The following MRI1 variants were observed in gnomAD, a reference collection of about 807,000 sequenced individuals.
MRI1 encodes the protein methylthioribose-1-phosphate isomerase.
Under a neutral mutation model 27.3 loss-of-function variants are expected in MRI1, and 32 were observed. The ratio of observed to expected loss-of-function variants is 1.17; its 90% CI spans 0.88 to 1.57. MRI1 has a LOEUF of 1.57. Ranked by LOEUF, MRI1 falls within the 40% of genes most tolerant of loss-of-function variation. MRI1 has a pLI of 0.00. For missense variants in MRI1, 508 were observed against 516.1 expected, an observed-to-expected ratio of 0.98 and a Z score of 0.15; for synonymous variants, 216 against 227.4, an observed-to-expected ratio of 0.95 and a Z score of 0.45.
chr19:13,765,253 A>C (rs1381517883), intron 2 of MRI1, 144 bp downstream of exon 2: 13 of 625,398 alleles, frequency 2.1e-5, no homozygotes, highest in Admixed American at 8.1e-5. Flanking sequence ...GGGGAGACTG[A>C]GGCACGGCGA....
Position 13,768,673 on chromosome 19 carries a change from GATCCCCGCCACCCTT to G in MRI1, c.664_678del (p.Pro222_Ile226del), listed in dbSNP as rs1346948528. ...CGGCCTTTGAGCTGGTCTATGAGCAGATCCCCGCCACCCTTATCACCGACAGCATGGTGGCTGCTG... is the reference window on the plus strand; with the variant it reads ...CGGCCTTTGAGCTGGTCTATGAGCAGATCACCGACAGCATGGTGGCTGCTG... On this transcript the variant is annotated inframe_deletion, in exon 4 of 6. Transcript: ENST00000040663. 2 of 1,613,974 alleles carry G rather than the reference GATCCCCGCCACCCTT, an allele frequency of 1.2e-6. No individual in the cohort carries two copies. Among genetic ancestry groups the G allele is most frequent in the Non-Finnish European group, 8.5e-7 (1 of 1,180,008 alleles).
rs1138208 is a variant in MRI1 at position 13,773,525 on chromosome 19, A to C, written c.*1244A>C. The C allele has an allele frequency of 2.0e-5, 3 of 153,256 alleles. No homozygotes were observed. Among genetic ancestry groups the C allele is most frequent in the Non-Finnish European group, 4.4e-5 (3 of 68,054 alleles). The allele number at this position is 153,256 out of a possible 1,614,324, so 9.5% of individuals were successfully genotyped here. ...CTCACACCTCTAGCCCCAGCTACTC[A>C]GGCTGAAGTGGGAGGATGGCTTGAG... On this transcript the variant is annotated 3_prime_UTR_variant, in exon 6 of 6. Coordinates refer to ENST00000040663, the MANE Select transcript of MRI1 (RefSeq NM_001031727.4).
intron 3 of MRI1, among the ~76,000 whole-genome samples, chr19:13,767,025 ATATATATATATATTTTTTTTTTTTTTT>A (rs1305082510): frequency 0.022 from 295 of 13,716 alleles, 7 homozygotes; most frequent in Non-Finnish European, 0.033. Context: ...ATATATATAT[ATATATATATATATTTTTTTTTTTTTTT>A]TTTTTTTTTT....
Position 13,764,598 on chromosome 19 carries a change from G to C in MRI1, c.10G>C (p.Glu4Gln), listed in dbSNP as rs746270000. MTL[E>Q]AIRYSRGSLQ... ...GCTTGGCTGCTGCACCATGACCCTG[G>C]AGGCGATCCGCTACTCGCGGGGCTC... The change falls in exon 1 of 6, where the codon GAG (glutamate) becomes CAG (glutamine). Residue 4 changes from glutamate (E) to glutamine (Q), a missense_variant. This residue lies in a region of MRI1 where 32 missense variants were observed against 20.2 expected (regional missense o/e 1.58). Coordinates refer to ENST00000040663, the MANE Select transcript of MRI1 (RefSeq NM_001031727.4). 1 of 1,609,178 alleles carries C rather than the reference G, an allele frequency of 6.2e-7. No individual in the cohort carries two copies. The highest frequency in any genetic ancestry group is 1.1e-5 in the South Asian group (1 of 91,034).
Position 13,768,383 on chromosome 19 carries a change from T to C in MRI1, c.548-178T>C, listed in dbSNP as rs773891174. 35 of 1,514,482 alleles carry C rather than the reference T, an allele frequency of 2.3e-5. No homozygotes were observed. In the South Asian group the frequency reaches 2.9e-4, roughly 12 times the overall value. The allele number at this position is 1,514,482 out of a possible 1,614,324, so 93.8% of individuals were successfully genotyped here. On this transcript the variant is annotated intron_variant, in intron 3 of 5. Coordinates refer to ENST00000040663, the MANE Select transcript of MRI1 (RefSeq NM_001031727.4). ...GACGTGAAACGGAGCTATGCGAGCATTGGGAAGAGCATACCAGGCAGAGGG... is the reference window on the plus strand; with the variant it reads ...GACGTGAAACGGAGCTATGCGAGCACTGGGAAGAGCATACCAGGCAGAGGG...
At position 13,768,700 on chromosome 19, in the gene MRI1, C is replaced by T. The variant is rs754420644; in HGVS notation, c.687C>T (p.Ser229=). 3 of 1,613,840 alleles carry T rather than the reference C, an allele frequency of 1.9e-6. No individual in the cohort carries two copies. The highest frequency in any genetic ancestry group is 2.2e-5 in the East Asian group (1 of 44,896). The change falls in exon 4 of 6, where the codon AGC becomes AGT. Residue 229 remains serine (S), a synonymous_variant. Transcript: ENST00000040663. ...TCCCCGCCACCCTTATCACCGACAG[C>T]ATGGTGGCTGCTGCCATGGCCCATA... ...EQIPATLITD[S]MVAAAMAHRG... is the part of the protein sequence containing the mutation.
At position 13,768,831 on chromosome 19, in the gene MRI1, C is replaced by T. The variant is rs369354524; in HGVS notation, c.732C>T (p.Val244=). ...CATACGCCCCCTCCCCAGCTGTGGT[C>T]GTGGGAGCTGACCGCGTGGTTGCCA... ...AMAHRGVSAV[V]VGADRVVANG... is the part of the protein sequence containing the mutation. Residue 244 remains valine (V), a synonymous_variant, in exon 5 of 6, where the codon GTC becomes GTT. Coordinates refer to ENST00000040663, the MANE Select transcript of MRI1 (RefSeq NM_001031727.4). 3.2e-5 allele frequency: 52 copies of T among 1,605,892 alleles called. No individual in the cohort carries two copies. In the African/African-American group the frequency reaches 4.3e-4, roughly 13 times the overall value.
At chr19:13,771,217 G>A (rs966546920) in intron 5 of MRI1, among the ~76,000 whole-genome samples, 18 of 149,400 alleles carry the variant, frequency 1.2e-4, no homozygotes, top group Admixed American at 8.7e-4. Context: ...AAAAAAAAAC[G>A]TTAGCTGGGC....
rs746396727 is a variant in MRI1 at position 13,768,554 on chromosome 19, C to T, written c.548-7C>T. The T allele has an allele frequency of 3.1e-6, 5 of 1,599,518 alleles. No homozygotes were observed. The highest frequency in any genetic ancestry group is 2.7e-5 in the African/African-American group (2 of 74,668). On this transcript the variant is annotated splice_region_variant and splice_polypyrimidine_tract_variant and intron_variant, in intron 3 of 5. Coordinates refer to ENST00000040663, the MANE Select transcript of MRI1 (RefSeq NM_001031727.4). The stretch of plus-strand genomic sequence containing the variant: ...GGGCCTTCTCCTGGTGGGTGGGGCC[C>T]CCGCAGGTGTGATTCGCTCACTGCA...
Position 13,768,632 on chromosome 19 carries a change from C to T in MRI1, c.619C>T (p.Gln207Ter), listed in dbSNP as rs780769717. 1 of 1,613,674 alleles carries T rather than the reference C, an allele frequency of 6.2e-7. No homozygotes were observed. The highest frequency in any genetic ancestry group is 1.3e-5 in the African/African-American group (1 of 75,062). Residue 207 changes from glutamine (Q) to a stop codon, truncating the protein, a stop_gained, in exon 4 of 6, where the codon CAG becomes TAG. Coordinates refer to ENST00000040663, the MANE Select transcript of MRI1 (RefSeq NM_001031727.4). LOFTEE classifies it high-confidence loss of function. ...CTGCACAGAGACCCGGCCCTACAAC[C>T]AGGGAGCCCGGCTGACGGCCTTTGA... ...AFCTETRPYN[Q>*]GARLTAFELV...
Position 13,772,305 on chromosome 19 carries a change from C to A in MRI1, c.*24C>A, listed in dbSNP as rs569521698. On this transcript the variant is annotated 3_prime_UTR_variant, in exon 6 of 6. Coordinates refer to ENST00000040663, the MANE Select transcript of MRI1 (RefSeq NM_001031727.4). ...AACCAACTCAGCTCTCCCTAGCCTG[C>A]CTCTCTAGGTTTTTCAATACATTTC... 1 of 1,599,394 alleles carries A rather than the reference C, an allele frequency of 6.3e-7. No homozygotes were observed. Among genetic ancestry groups the A allele is most frequent in the African/African-American group, 1.3e-5 (1 of 74,396 alleles).
intron 5 of MRI1, among the ~76,000 whole-genome samples, chr19:13,769,459 C>T (rs1379085929): frequency 1.3e-5 from 2 of 152,038 alleles, no homozygotes; most frequent in Non-Finnish European, 2.9e-5. Flanking sequence ...CCACAGCACG[C>T]CTGGCCCAAG....
In MRI1 at chr19:13,772,285, A is replaced by G. The variant is rs1469071; in HGVS notation, c.*4A>G. The G allele has an allele frequency of 0.45, 715,241 of 1,607,220 alleles. 163,253 individuals are homozygous for G. Among genetic ancestry groups the G allele is most frequent in the East Asian group, 0.69 (31,010 of 44,726 alleles). ...CCTAGATGGACCCCAGATGTAACCA[A>G]CTCAGCTCTCCCTAGCCTGCCTCTC... is the stretch of plus-strand genomic sequence containing the variant. On this transcript the variant is annotated 3_prime_UTR_variant, in exon 6 of 6. Coordinates refer to ENST00000040663, the MANE Select transcript of MRI1 (RefSeq NM_001031727.4).
intron 5 of MRI1, among the ~76,000 whole-genome samples, chr19:13,769,503 G>A (rs1171924013): frequency 6.6e-6 from 1 of 152,106 alleles, no homozygotes; most frequent in African/African-American, 2.4e-5. Context: ...CTGGAGGTCA[G>A]ATCCAATGTT....
Position 13,764,530 on chromosome 19 carries a change from C to T in MRI1, c.-59C>T, listed in dbSNP as rs558128979. 109 of 1,585,668 alleles carry T rather than the reference C, an allele frequency of 6.9e-5. No homozygotes were observed. In the African/African-American group the frequency reaches 1.3e-3, roughly 18 times the overall value. ...GCTCCGCCCACGGCCCCGCCCCGCT[C>T]CCAAGTGCGCGCGGACCCCTAGCTC... is the stretch of plus-strand genomic sequence containing the variant. On this transcript the variant is annotated 5_prime_UTR_variant, in exon 1 of 6. Transcript: ENST00000040663.
chr19:13,765,093 G>T lies in MRI1; in HGVS notation c.355G>T (p.Glu119Ter). 1 of 1,541,412 alleles carries T rather than the reference G, an allele frequency of 6.5e-7. No individual in the cohort carries two copies. The highest frequency in any genetic ancestry group is 1.9e-5 in the Admixed American group (1 of 52,408). The part of the protein sequence containing the change: ...REAEREGATE[E>*]AVRERVICCT... Reference sequence around the variant, plus strand: ...GGCCGAACGGGAGGGCGCTACGGAAGAGGCGGTCCGGGAGAGGTACGGGGA... The same window carrying T: ...GGCCGAACGGGAGGGCGCTACGGAATAGGCGGTCCGGGAGAGGTACGGGGA... The change falls in exon 2 of 6, where the codon GAG (glutamate) becomes TAG (stop). Residue 119 changes from glutamate to a stop codon, truncating the protein, a stop_gained. Transcript: ENST00000040663. LOFTEE classifies it high-confidence loss of function.
chr19:13,766,253 C>T (rs1030290161), intron 3 of MRI1, 124 bp downstream of exon 3: 21 of 884,294 alleles, frequency 2.4e-5, no homozygotes, highest in Non-Finnish European at 2.8e-5. Flanking sequence ...AGTTCTAGTA[C>T]GGAAACACTT....
At position 13,764,567 on chromosome 19, in the gene MRI1, C is replaced by T. The variant is rs200918680; in HGVS notation, c.-22C>T. 1.3e-4 allele frequency: 202 copies of T among 1,603,240 alleles called. No homozygotes were observed. Among genetic ancestry groups the T allele is most frequent in the Admixed American group, 6.5e-4 (39 of 59,722 alleles). Reference sequence around the variant, plus strand: ...CGGACCCCTAGCTCCCTCTGAGTTGCGCTGGGCTTGGCTGCTGCACCATGA... The same window carrying T: ...CGGACCCCTAGCTCCCTCTGAGTTGTGCTGGGCTTGGCTGCTGCACCATGA... On this transcript the variant is annotated 5_prime_UTR_variant, in exon 1 of 6. Transcript: ENST00000040663.
rs1354274480 is a variant in MRI1, at chr19:13,765,018, G to T, written c.280G>T (p.Val94Phe). ...SFLVTARPTA[V>F]NMARAARDLA... ...CCTCGTCACCGCCCGGCCCACCGCTGTCAACATGGCCCGCGCCGCCCGCGA... is the reference window on the plus strand; with the variant it reads ...CCTCGTCACCGCCCGGCCCACCGCTTTCAACATGGCCCGCGCCGCCCGCGA... The change falls in exon 2 of 6, where the codon GTC (valine) becomes TTC (phenylalanine). Residue 94 changes from valine to phenylalanine, a missense_variant. Coordinates refer to ENST00000040663, the MANE Select transcript of MRI1 (RefSeq NM_001031727.4). 2 of 1,526,746 alleles carry T rather than the reference G, an allele frequency of 1.3e-6. No homozygotes were observed. Among genetic ancestry groups the T allele is most frequent in the Non-Finnish European group, 1.8e-6 (2 of 1,142,418 alleles). 94.6% of individuals were successfully genotyped at this position (1,526,746 alleles called of 1,614,324 possible). A position where few individuals can be genotyped will look rare whatever the true frequency, so the allele number is the denominator to read the frequency against.
Sources: allele counts gnomAD v4.1 joint callset (sites outside exome capture counted in the v4.1 genomes callset), GRCh38; gene constraint gnomAD v4.1.1; regional missense constraint gnomAD v4.1.1; transcripts MANE v1.5; gene names NCBI Gene and HGNC (gene_info 2026-07-23, HGNC 2026-07-21).